The following LDLRAD3 variants were observed in gnomAD, a reference collection of about 807,000 sequenced individuals.
LDLRAD3 encodes low-density lipoprotein receptor class A domain-containing protein 3.
Under a neutral mutation model 29.4 loss-of-function variants are expected in LDLRAD3, and 20 were observed. The ratio of observed to expected loss-of-function variants is 0.68; its 90% CI spans 0.48 to 0.99. LDLRAD3 has a LOEUF of 0.99. LDLRAD3 is among the 50% of genes least tolerant of loss of function. The pLI, the probability that LDLRAD3 is intolerant of heterozygous loss-of-function variation, is 0.00. For missense variants in LDLRAD3, 420 were observed against 454.3 expected (o/e 0.92, Z 0.69); for synonymous variants, 157 against 192.7 (o/e 0.81, Z 1.53).
At chr11:36,099,731 A>G (rs568607399) in intron 4 of LDLRAD3, among the ~76,000 whole-genome samples, 1 of 152,346 alleles carries the variant, frequency 6.6e-6, no homozygotes, top group African/African-American at 2.4e-5. Context: ...GTGAATGAAC[A>G]GATGGTCATA....
chr11:36,063,876 T>C (rs903420059), intron 2 of LDLRAD3, among the ~76,000 whole-genome samples: 1 of 152,226 alleles, frequency 6.6e-6, no homozygotes, highest in African/African-American at 2.4e-5. Flanking sequence ...TCTTTTTCAA[T>C]ATGGTTTTGG....
intron 4 of LDLRAD3, among the ~76,000 whole-genome samples, chr11:36,219,901 G>A (rs1855405225): frequency 6.6e-6 from 1 of 152,138 alleles, no homozygotes. Flanking sequence ...CATAGACTAG[G>A]AGAAAATATT....
intron 1 of LDLRAD3, among the ~76,000 whole-genome samples, chr11:36,007,950 G>C (rs11033373): frequency 0.31 from 46,759 of 152,088 alleles, 7,611 homozygotes; most frequent in South Asian, 0.48. Context: ...AGTTTAGGCA[G>C]ACCCAACCCT....
chr11:36,108,319 CAAAAAAAAAAAAAAAAAA>C (rs60376519), intron 4 of LDLRAD3, among the ~76,000 whole-genome samples: 1 of 48,978 alleles, frequency 2.0e-5, no homozygotes, highest in East Asian at 6.6e-4. Context: ...GACTCCATCT[CAAAAAAAAAAAAAAAAAA>C]AAAAAAAAAA....
rs118175358 is a variant in LDLRAD3 at position 36,188,790 on chromosome 11, A to C, written c.455-38295A>C. Among the ~76,000 whole-genome samples, 220 of 152,238 alleles carry C rather than the reference A, an allele frequency of 1.4e-3. 5 individuals are homozygous for C. In the East Asian group the frequency reaches 0.027, roughly 19 times the overall value. On this transcript the variant is annotated intron_variant, in intron 4 of 5. Transcript: ENST00000315571. ...GATTTAGCATAAGTCAACATAATGA[A>C]CATTGAAACTACTAGCCCTTTTCCT...
chr11:36,115,769 A>C (rs1853666015), intron 4 of LDLRAD3, among the ~76,000 whole-genome samples: 1 of 152,198 alleles, frequency 6.6e-6, no homozygotes, highest in Admixed American at 6.5e-5. Flanking sequence ...ATGAGACTGA[A>C]GCCTGAGATA....
At chr11:36,035,678 G>A (rs1852294321) in intron 1 of LDLRAD3, among the ~76,000 whole-genome samples, 1 of 152,186 alleles carries the variant, frequency 6.6e-6, no homozygotes, top group African/African-American at 2.4e-5. Flanking sequence ...TTCTGTGATT[G>A]TAAGGGCTAC....
At chr11:36,098,126 AG>A (rs1853390341) in intron 3 of LDLRAD3, among the ~76,000 whole-genome samples, 200 bp from the exon 4 acceptor site, 1 of 152,072 alleles carries the variant, frequency 6.6e-6, no homozygotes, top group Non-Finnish European at 1.5e-5. Flanking sequence ...AAAGACCCCC[AG>A]GAGGTTTTAG....
At chr11:36,204,014 T>TAA (rs5791089) in intron 4 of LDLRAD3, among the ~76,000 whole-genome samples, 1,636 of 148,434 alleles carry the variant, frequency 0.011, 28 homozygotes, top group African/African-American at 0.032. Flanking sequence ...GCTTTTAGTT[T>TAA]AAAAAAAAAA....
At chr11:36,073,358 A>G (rs370886537) in intron 2 of LDLRAD3, among the ~76,000 whole-genome samples, 3 of 152,242 alleles carry the variant, frequency 2.0e-5, no homozygotes, top group Non-Finnish European at 4.4e-5. Flanking sequence ...CAAGTATTCA[A>G]TGGAGTAGAG....
intron 1 of LDLRAD3, chr11:36,001,291 T>G (rs1363109443): frequency 6.6e-6 from 1 of 152,348 alleles, no homozygotes; most frequent in East Asian, 1.9e-4. Flanking sequence ...CATGTTGGTG[T>G]GCCGCACCCA....
chr11:36,088,427 T>G (rs1269516107), intron 3 of LDLRAD3, among the ~76,000 whole-genome samples: 4 of 152,126 alleles, frequency 2.6e-5, no homozygotes, highest in African/African-American at 9.7e-5. Context: ...CTGCTACAGC[T>G]TTTAGTGTAG....
At chr11:36,172,558 G>C (rs1287925397) in intron 4 of LDLRAD3, among the ~76,000 whole-genome samples, 1 of 151,880 alleles carries the variant, frequency 6.6e-6, no homozygotes, top group South Asian at 2.1e-4. Context: ...TTTGTCAAAT[G>C]CTTTTTCTGC....
At chr11:36,194,878 T>A (rs1855008682) in intron 4 of LDLRAD3, among the ~76,000 whole-genome samples, 1 of 152,194 alleles carries the variant, frequency 6.6e-6, no homozygotes, top group African/African-American at 2.4e-5. Context: ...ACAGATGTGG[T>A]CCCTGCCTGT....
At chr11:36,006,221 C>T (rs759080974) in intron 1 of LDLRAD3, among the ~76,000 whole-genome samples, 43 of 152,094 alleles carry the variant, frequency 2.8e-4, no homozygotes, top group Non-Finnish European at 2.6e-4. Context: ...ATTATGTGGG[C>T]GCCATAGTTA....
chr11:35,951,976 G>A (rs189071841), intron 1 of LDLRAD3, among the ~76,000 whole-genome samples: 1 of 152,250 alleles, frequency 6.6e-6, no homozygotes, highest in East Asian at 1.9e-4. Context: ...GTGTCTTCTT[G>A]GCCATCTTTC....
intron 1 of LDLRAD3, among the ~76,000 whole-genome samples, chr11:36,010,570 T>C (rs1851942771): frequency 6.6e-6 from 1 of 152,190 alleles, no homozygotes; most frequent in Admixed American, 6.5e-5. Context: ...AAACGGATGA[T>C]GTTGGCTTCT....
At chr11:36,081,831 A>G (rs3740962) in intron 3 of LDLRAD3, 53 bp downstream of exon 3, 945,141 of 1,604,034 alleles carry the variant, frequency 0.59, 285,087 homozygotes, top group East Asian at 0.65. Context: ...CCGCCAGCCA[A>G]ACTTGTCCAC....
chr11:36,098,304 T>C, intron 3 of LDLRAD3, 23 bp from the exon 4 acceptor site: 2 of 1,613,148 alleles, frequency 1.2e-6, no homozygotes, highest in South Asian at 1.1e-5. Flanking sequence ...TCCCTGGTAA[T>C]GTGCTGTGTT....
Sources: allele counts gnomAD v4.1 joint callset (sites outside exome capture counted in the v4.1 genomes callset), GRCh38; gene constraint gnomAD v4.1.1; transcripts MANE v1.5; gene names NCBI Gene and HGNC (gene_info 2026-07-23, HGNC 2026-07-21).